FRMPD4: variants seen among roughly 807,000 people sequenced by gnomAD.
The protein encoded by FRMPD4 is FERM and PDZ domain-containing protein 4.
FRMPD4 carries 22 observed loss-of-function variants against 94.1 expected under a neutral mutation model. The ratio of observed to expected loss-of-function variants is 0.23; its 90% CI spans 0.17 to 0.33. FRMPD4 has a LOEUF of 0.33. FRMPD4 is among the 10% of genes least tolerant of loss of function. The probability of loss-of-function intolerance (pLI) is 1.00; values close to 1 mark genes in which losing one functional copy is unlikely to be tolerated. For synonymous variants in FRMPD4, 631 were observed against 548.6 expected (o/e 1.15, Z -2.10); for missense variants, 1,111 against 1,339.9 (o/e 0.83, Z 2.67).
At chrX:12,490,137 A>C (rs996352211) in intron 1 of FRMPD4, among the ~76,000 whole-genome samples, 1 of 111,693 alleles carries the variant, frequency 9.0e-6, no homozygotes, top group Non-Finnish European at 1.9e-5. Context: ...TGTATAGTAT[A>C]GGGTTGCTAT....
intron 4 of FRMPD4, among the ~76,000 whole-genome samples, chrX:12,658,666 C>T (rs1390390881): frequency 9.0e-6 from 1 of 111,191 alleles, no homozygotes; most frequent in African/African-American, 3.3e-5. Flanking sequence ...AGAAAAACAT[C>T]CACCCCAACT....
At chrX:12,373,887 T>C (rs1192639150) in intron 1 of FRMPD4, among the ~76,000 whole-genome samples, 1 of 112,143 alleles carries the variant, frequency 8.9e-6, no homozygotes, top group Non-Finnish European at 1.9e-5. Context: ...CCGGGTTCGC[T>C]TGGTTACCTG....
intron 14 of FRMPD4, among the ~76,000 whole-genome samples, chrX:12,711,728 G>A (rs6641080): frequency 0.11 from 12,102 of 109,751 alleles, 902 homozygotes; most frequent in East Asian, 0.62. Flanking sequence ...AAATTTTACT[G>A]TTGCTTCTCT....
At chrX:12,608,760 C>G (rs1254034948) in intron 2 of FRMPD4, among the ~76,000 whole-genome samples, 1 of 112,625 alleles carries the variant, frequency 8.9e-6, no homozygotes, top group East Asian at 2.7e-4. Flanking sequence ...GTGCCAGATA[C>G]AGTTCTAGGC....
chrX:12,563,660 G>A (rs747313290), intron 2 of FRMPD4, among the ~76,000 whole-genome samples: 1 of 111,840 alleles, frequency 8.9e-6, no homozygotes, highest in South Asian at 3.8e-4. Context: ...GCAGAAACGT[G>A]AAAATATTCA....
intron 3 of FRMPD4, among the ~76,000 whole-genome samples, chrX:12,115,501 C>A (rs1428501784): frequency 9.0e-6 from 1 of 111,194 alleles, no homozygotes; most frequent in African/African-American, 3.3e-5. Context: ...CTTAACTCTA[C>A]CATTCCTTCA....
At chrX:12,600,781 A>G (rs909210671) in intron 2 of FRMPD4, among the ~76,000 whole-genome samples, 2 of 112,151 alleles carry the variant, frequency 1.8e-5, no homozygotes, top group African/African-American at 6.5e-5. Context: ...CCATTGTTGT[A>G]TATTTTGCTA....
intron 1 of FRMPD4, among the ~76,000 whole-genome samples, chrX:12,218,528 T>C (rs1179998758): frequency 8.9e-6 from 1 of 112,326 alleles, no homozygotes; most frequent in Non-Finnish European, 1.9e-5. Context: ...TCATCCATAA[T>C]CAAAATTTAT....
intron 2 of FRMPD4, among the ~76,000 whole-genome samples, chrX:12,515,530 A>G (rs1470441916): frequency 8.9e-6 from 1 of 111,830 alleles, no homozygotes; most frequent in African/African-American, 3.3e-5. Context: ...TTGAGTCCCA[A>G]TTTGATGGCA....
intron 2 of FRMPD4, among the ~76,000 whole-genome samples, chrX:11,871,672 C>T (rs973010041): frequency 4.5e-5 from 5 of 112,118 alleles, no homozygotes; most frequent in Admixed American, 9.4e-5. Context: ...CTGAATTCCA[C>T]AGCTGGGGAA....
chrX:12,560,719 C>G (rs892383698), intron 2 of FRMPD4, among the ~76,000 whole-genome samples: 2 of 97,677 alleles, frequency 2.0e-5, no homozygotes, highest in Non-Finnish European at 4.0e-5. Flanking sequence ...AGGGTTCTCC[C>G]TAGTGTATGC....
At chrX:12,004,991 C>T (rs941875660) in intron 3 of FRMPD4, among the ~76,000 whole-genome samples, 1 of 112,210 alleles carries the variant, frequency 8.9e-6, no homozygotes, top group African/African-American at 3.2e-5. Context: ...GATCGATGAA[C>T]TTGTCAAGTT....
intron 3 of FRMPD4, among the ~76,000 whole-genome samples, chrX:11,958,660 G>A (rs1442397809): frequency 3.6e-5 from 4 of 111,817 alleles, no homozygotes. Flanking sequence ...GGTCTGTTGA[G>A]CCAATTACAG....
At chrX:11,930,388 T>C (rs1326577781) in intron 3 of FRMPD4, among the ~76,000 whole-genome samples, 1 of 110,969 alleles carries the variant, frequency 9.0e-6, no homozygotes, top group East Asian at 2.8e-4. Context: ...GGTGTTGTCT[T>C]GAATTGAGTG....
intron 1 of FRMPD4, among the ~76,000 whole-genome samples, chrX:12,290,761 T>C (rs1180548972): frequency 8.9e-6 from 1 of 111,940 alleles, no homozygotes; most frequent in Non-Finnish European, 1.9e-5. Flanking sequence ...TATCACTTTA[T>C]TAATGTAATC....
intron 1 of FRMPD4, among the ~76,000 whole-genome samples, chrX:12,398,885 T>C (rs1455168240): frequency 8.9e-6 from 1 of 112,099 alleles, no homozygotes; most frequent in Non-Finnish European, 1.9e-5. Context: ...ATGAATGTTC[T>C]GTGTTTTTCA....
chrX:12,711,784 G>A (rs374184355), intron 14 of FRMPD4, among the ~76,000 whole-genome samples: 16 of 53,294 alleles, frequency 3.0e-4, no homozygotes, highest in East Asian at 1.2e-3. Flanking sequence ...CCAAGTCCCC[G>A]GCATTTATCA....
At chrX:12,294,705 C>T (rs2054744712) in intron 1 of FRMPD4, among the ~76,000 whole-genome samples, 1 of 111,601 alleles carries the variant, frequency 9.0e-6, no homozygotes, top group South Asian at 3.8e-4. Flanking sequence ...AGTGTACCTC[C>T]ACCAGTGAAA....
Position 12,229,544 on chromosome X carries a change from A to G in FRMPD4, c.41+90532A>G, listed in dbSNP as rs1259172032. Among the ~76,000 whole-genome samples, 4 of 111,446 alleles carry G rather than the reference A, an allele frequency of 3.6e-5. No homozygotes were observed. In the Admixed American group the frequency reaches 3.8e-4, roughly 11 times the overall value. On this transcript the variant is annotated intron_variant, in intron 1 of 16. Transcript: ENST00000675598. ...GTTACCCTTTGACTGAGCTCCACGT[A>G]GGTCTCCCCCAGTTCCATACTCCTG...
Sources: allele counts gnomAD v4.1 joint callset (sites outside exome capture counted in the v4.1 genomes callset), GRCh38; gene constraint gnomAD v4.1.1; transcripts MANE v1.5; gene names NCBI Gene and HGNC (gene_info 2026-07-23, HGNC 2026-07-21).